The following TUT4 variants were observed in gnomAD, a reference collection of about 807,000 sequenced individuals.
TUT4 encodes terminal uridylyltransferase 4.
In TUT4, 36 loss-of-function variants were observed where a neutral mutation model predicts 192.2. That is an observed-to-expected ratio of 0.19 (90% CI 0.14 to 0.25). The LOEUF (loss-of-function observed/expected upper bound fraction) is 0.25. TUT4 is among the 10% of genes least tolerant of loss of function. TUT4 has a pLI of 1.00. For synonymous variants in TUT4, 618 were observed against 666.0 expected (o/e 0.93, Z 1.11); for missense variants, 1,493 against 1,957.2 (o/e 0.76, Z 4.47).
At chr1:52,477,983 G>C in intron 11 of TUT4, 101 bp from the exon 12 acceptor site, 1 of 1,140,458 alleles carries the variant, frequency 8.8e-7, no homozygotes, top group Admixed American at 2.7e-5. Flanking sequence ...TTCAAAAACT[G>C]AGACATGAAG....
intron 11 of TUT4, among the ~76,000 whole-genome samples, chr1:52,479,667 T>A (rs1324721012): frequency 6.6e-6 from 1 of 151,810 alleles, no homozygotes; most frequent in Non-Finnish European, 1.5e-5. Flanking sequence ...GAGGGGAGGA[T>A]CAGGAATTCA....
At chr1:52,533,719 G>C (rs1684109454) in intron 1 of TUT4, among the ~76,000 whole-genome samples, 1 of 152,146 alleles carries the variant, frequency 6.6e-6, no homozygotes, top group African/African-American at 2.4e-5. Context: ...TGTAATCCGA[G>C]CACTTTGGGA....
intron 15 of TUT4, among the ~76,000 whole-genome samples, chr1:52,465,516 G>A (rs1663850331): frequency 6.6e-6 from 1 of 152,088 alleles, no homozygotes; most frequent in Admixed American, 6.6e-5. Flanking sequence ...AGAAATACAG[G>A]TGCAATCCTT....
intron 1 of TUT4, among the ~76,000 whole-genome samples, chr1:52,528,590 C>T (rs1267473269): frequency 6.6e-6 from 1 of 151,604 alleles, no homozygotes; most frequent in African/African-American, 2.4e-5. Context: ...TCTAAACAAA[C>T]ATTAATAATA....
chr1:52,511,609 T>C (rs929155512), intron 3 of TUT4, among the ~76,000 whole-genome samples: 11 of 152,264 alleles, frequency 7.2e-5, no homozygotes, highest in African/African-American at 2.6e-4. Context: ...AGGATTAAGC[T>C]GTGTGGATAT....
intron 27 of TUT4, chr1:52,434,020 T>G (rs1431657794): frequency 6.6e-6 from 1 of 152,234 alleles, no homozygotes; most frequent in Non-Finnish European, 1.5e-5. Context: ...GAGATTTATT[T>G]TCTATACTTT....
chr1:52,551,698 A>T (rs1689486905), intron 1 of TUT4, among the ~76,000 whole-genome samples: 1 of 152,140 alleles, frequency 6.6e-6, no homozygotes, highest in Non-Finnish European at 1.5e-5. Flanking sequence ...ACACACACAC[A>T]TACACACACA....
intron 19 of TUT4, among the ~76,000 whole-genome samples, chr1:52,460,739 T>A (rs952880765): frequency 6.6e-6 from 1 of 152,208 alleles, no homozygotes; most frequent in Non-Finnish European, 1.5e-5. Flanking sequence ...ACAAGTGTTA[T>A]AATAGGAGAA....
At chr1:52,451,434 A>G (rs1437703454) in intron 20 of TUT4, among the ~76,000 whole-genome samples, 2 of 152,230 alleles carry the variant, frequency 1.3e-5, no homozygotes, top group Non-Finnish European at 2.9e-5. Context: ...TAAATTACTA[A>G]CAACAGAAAT....
At chr1:52,439,709 A>C (rs1408198710) in intron 24 of TUT4, among the ~76,000 whole-genome samples, 1 of 152,156 alleles carries the variant, frequency 6.6e-6, no homozygotes, top group Non-Finnish European at 1.5e-5. Context: ...CCACTTTAGA[A>C]AACAGTTCCT....
intron 10 of TUT4, 51 bp downstream of exon 10, chr1:52,481,753 A>G: frequency 3.9e-6 from 6 of 1,550,508 alleles, no homozygotes; most frequent in Non-Finnish European, 5.2e-6. Context: ...GTTCTCTGCA[A>G]GAGCAAACTA....
intron 27 of TUT4, chr1:52,433,955 T>A (rs1035512576): frequency 6.6e-6 from 1 of 152,176 alleles, no homozygotes; most frequent in Non-Finnish European, 1.5e-5. Context: ...GGTGATTTTT[T>A]AATAAAGCTA....
At chr1:52,521,284 A>G (rs956195183) in intron 2 of TUT4, among the ~76,000 whole-genome samples, 3 of 152,218 alleles carry the variant, frequency 2.0e-5, no homozygotes, top group Admixed American at 2.0e-4. Context: ...CAAAAAGAAA[A>G]ATGATGTGCC....
rs1014098129 is a variant in TUT4 at position 52,497,192 on chromosome 1, G to A, written c.1000-9C>T. ...CTTTCTTCTTGTTTTTCCTATTAATGTAATGATTCACAACAATAAAAACAA... is the reference window on the plus strand; with the variant it reads ...CTTTCTTCTTGTTTTTCCTATTAATATAATGATTCACAACAATAAAAACAA... On this transcript the variant is annotated splice_polypyrimidine_tract_variant and intron_variant, in intron 4 of 29. Transcript: ENST00000257177. The A allele has an allele frequency of 3.1e-6, 5 of 1,588,262 alleles. No individual in the cohort carries two copies. The African/African-American group carries it at 6.8e-5, about 22-fold the overall frequency.
chr1:52,425,452 G>T lies in TUT4; in HGVS notation c.4767C>A (p.Pro1589=). The T allele has an allele frequency of 6.2e-7, 1 of 1,614,090 alleles. No individual in the cohort carries two copies. The highest frequency in any genetic ancestry group is 8.5e-7 in the Non-Finnish European group (1 of 1,179,948). The change falls in exon 29 of 30, where the codon CCC becomes CCA. Residue 1589 remains proline, a synonymous_variant. Transcript: ENST00000257177. Reference sequence around the variant, plus strand: ...ACGAAGCTGGGACAAGGGGGAAATGGGGACGCGGTGCATGTTCCCAAGGAA... The same window carrying T: ...ACGAAGCTGGGACAAGGGGGAAATGTGGACGCGGTGCATGTTCCCAAGGAA... ...PPIPWEHAPR[P]HFPLVPASWP...
chr1:52,541,566 C>T (rs1571485419), intron 1 of TUT4, among the ~76,000 whole-genome samples: 1 of 150,796 alleles, frequency 6.6e-6, no homozygotes, highest in Non-Finnish European at 1.5e-5. Flanking sequence ...TACATCATAT[C>T]ACATTAAAAA....
intron 24 of TUT4, among the ~76,000 whole-genome samples, chr1:52,440,296 G>GGTTTT (rs1303945589): frequency 6.6e-6 from 1 of 152,052 alleles, no homozygotes; most frequent in African/African-American, 2.4e-5. Flanking sequence ...TGTTTGGTTT[G>GGTTTT]GTTTTATTTG....
chr1:52,512,554 AT>A (rs1180850915), intron 3 of TUT4, among the ~76,000 whole-genome samples: 1 of 152,254 alleles, frequency 6.6e-6, no homozygotes, highest in Admixed American at 6.5e-5. Flanking sequence ...CAAGGCACAT[AT>A]TGGGCACAAC....
chr1:52,544,647 G>C (rs1420497610), intron 1 of TUT4, among the ~76,000 whole-genome samples: 1 of 152,158 alleles, frequency 6.6e-6, no homozygotes, highest in Admixed American at 6.5e-5. Flanking sequence ...ACTGGAGTTG[G>C]CAATTATTTG....
Sources: allele counts gnomAD v4.1 joint callset (sites outside exome capture counted in the v4.1 genomes callset), GRCh38; gene constraint gnomAD v4.1.1; transcripts MANE v1.5; gene names NCBI Gene and HGNC (gene_info 2026-07-23, HGNC 2026-07-21).